Variants in NUTF2 observed in about 807,000 individuals in gnomAD.
NUTF2 encodes placental protein 15.
In NUTF2, 3 loss-of-function variants were observed where a neutral mutation model predicts 18.5. The ratio of observed to expected loss-of-function variants is 0.16; its 90% CI spans 0.07 to 0.42. NUTF2 has a LOEUF of 0.42. Ranked by LOEUF, NUTF2 falls within the 10% of genes least tolerant of loss-of-function variation. The pLI is 0.99. For missense variants in NUTF2, 44 were observed against 160.7 expected, an observed-to-expected ratio of 0.27 and a Z score of 3.93; for synonymous variants, 51 against 57.9, an observed-to-expected ratio of 0.88 and a Z score of 0.54.
At position 67,852,381 on chromosome 16, in the gene NUTF2, T is replaced by C. The variant is rs536211512; in HGVS notation, c.-30+5396T>C. The stretch of plus-strand genomic sequence containing the variant: ...TTTTTTTTTTTCACCCAGGCTGGAG[T>C]GAAGTGTCACTCTTGCCCAGGCTCA... On this transcript the variant is annotated intron_variant, in intron 1 of 4. Coordinates refer to ENST00000219169, the MANE Select transcript of NUTF2 (RefSeq NM_005796.3). 4.9e-5 allele frequency among the ~76,000 whole-genome samples: 7 copies of C among 143,130 alleles called. No homozygotes were observed. In the East Asian group the frequency reaches 1.4e-3, roughly 29 times the overall value. The allele number at this position is 143,130 out of a possible 152,430, so 93.9% of individuals were successfully genotyped here.
chr16:67,858,292 C>T (rs898181348), intron 1 of NUTF2, among the ~76,000 whole-genome samples: 14 of 152,142 alleles, frequency 9.2e-5, no homozygotes, highest in Non-Finnish European at 1.9e-4. Context: ...CTCAGCCTCC[C>T]GAGTAGCTGG....
chr16:67,862,822 G>A (rs1442143932), intron 1 of NUTF2, among the ~76,000 whole-genome samples: 3 of 152,148 alleles, frequency 2.0e-5, no homozygotes, highest in African/African-American at 4.8e-5. Flanking sequence ...GGGACAGAGC[G>A]AGACCCTTTT....
chr16:67,856,909 G>A (rs1013984212), intron 1 of NUTF2, among the ~76,000 whole-genome samples: 1 of 152,170 alleles, frequency 6.6e-6, no homozygotes, highest in Non-Finnish European at 1.5e-5. Context: ...TTGTTTCCTT[G>A]TCTATAAAGT....
chr16:67,848,757 GAAAA>G (rs751592476), intron 1 of NUTF2, among the ~76,000 whole-genome samples: 1 of 132,922 alleles, frequency 7.5e-6, no homozygotes, highest in African/African-American at 2.8e-5. Context: ...AAAAGAAAAA[GAAAA>G]AAAAAAAAAG....
intron 1 of NUTF2, chr16:67,847,522 C>A (rs1023454338): frequency 3.9e-5 from 6 of 152,380 alleles, no homozygotes; most frequent in African/African-American, 1.4e-4. Context: ...CATAGCCCGG[C>A]CGGGGTGTAG....
chr16:67,867,583 C>G (rs532505715), intron 2 of NUTF2, among the ~76,000 whole-genome samples: 3 of 152,256 alleles, frequency 2.0e-5, no homozygotes, highest in African/African-American at 4.8e-5. Flanking sequence ...CAGCCTCTAT[C>G]TCTCCCTGAC....
At chr16:67,862,945 C>A (rs1400676599) in intron 1 of NUTF2, among the ~76,000 whole-genome samples, 1 of 152,216 alleles carries the variant, frequency 6.6e-6, no homozygotes, top group Non-Finnish European at 1.5e-5. Flanking sequence ...CTTATCCATT[C>A]CTCCAGCTTT....
chr16:67,859,795 CTTTTTTTTTTTTT>C (rs34914554), intron 1 of NUTF2, among the ~76,000 whole-genome samples: 165 of 45,634 alleles, frequency 3.6e-3, no homozygotes, highest in Middle Eastern at 0.022. Flanking sequence ...TGCGCCAGGC[CTTTTTTTTTTTTT>C]TTTTTTTTTT....
chr16:67,867,210 G>A (rs182033405), intron 2 of NUTF2, among the ~76,000 whole-genome samples: 5 of 152,106 alleles, frequency 3.3e-5, no homozygotes, highest in African/African-American at 9.6e-5. Context: ...GACTTCAAGT[G>A]ATCTACCCAC....
rs1452531720 is a variant in NUTF2 at position 67,872,349 on chromosome 16, G to A, written c.*1436G>A. The stretch of plus-strand genomic sequence containing the variant: ...CTCCTCAGATCCCACAGATTGCCTG[G>A]TGACATTGGGCACAGGGCTGGATGG... On this transcript the variant is annotated 3_prime_UTR_variant, in exon 5 of 5. Coordinates refer to ENST00000219169, the MANE Select transcript of NUTF2 (RefSeq NM_005796.3). 1 of 152,270 alleles carries A rather than the reference G, an allele frequency of 6.6e-6. No homozygotes were observed. The highest frequency in any genetic ancestry group is 1.5e-5 in the Non-Finnish European group (1 of 68,074). The allele number at this position is 152,270 out of a possible 1,614,324, so 9.4% of individuals were successfully genotyped here. A position where few individuals can be genotyped will look rare whatever the true frequency, so the allele number is the denominator to read the frequency against.
At chr16:67,861,964 G>C (rs1248308363) in intron 1 of NUTF2, among the ~76,000 whole-genome samples, 1 of 152,064 alleles carries the variant, frequency 6.6e-6, no homozygotes, top group African/African-American at 2.4e-5. Flanking sequence ...GGGATCGCAG[G>C]AGGGGACTTT....
intron 1 of NUTF2, among the ~76,000 whole-genome samples, chr16:67,863,893 C>T (rs1162819211): frequency 1.3e-5 from 2 of 152,188 alleles, no homozygotes; most frequent in Non-Finnish European, 2.9e-5. Flanking sequence ...GTTTTCCATC[C>T]AGTATCCTTA....
At chr16:67,868,462 T>C in intron 3 of NUTF2, 39 bp from the exon 4 acceptor site, 1 of 1,613,742 alleles carries the variant, frequency 6.2e-7, no homozygotes. Flanking sequence ...CCACCCCTTC[T>C]GGCCTTGGTT....
intron 1 of NUTF2, among the ~76,000 whole-genome samples, chr16:67,850,213 T>G (rs945839357): frequency 3.3e-5 from 5 of 151,996 alleles, no homozygotes; most frequent in Non-Finnish European, 7.4e-5. Flanking sequence ...AACTTCTTTT[T>G]TTTTTTTTTG....
chr16:67,863,058 G>A (rs138713374), intron 1 of NUTF2, among the ~76,000 whole-genome samples: 3 of 152,290 alleles, frequency 2.0e-5, no homozygotes, highest in South Asian at 4.1e-4. Flanking sequence ...CCAGGTGGAC[G>A]GGGCAGAAAT....
chr16:67,847,511 C>T (rs966010697), intron 1 of NUTF2: 3 of 152,382 alleles, frequency 2.0e-5, no homozygotes, highest in Admixed American at 6.5e-5. Flanking sequence ...CTGTTCCCGA[C>T]CATAGCCCGG....
chr16:67,855,794 G>T (rs1021174662), intron 1 of NUTF2, among the ~76,000 whole-genome samples: 13 of 150,078 alleles, frequency 8.7e-5, no homozygotes, highest in East Asian at 2.0e-4. Context: ...TAGGTGCTCA[G>T]GTTCTTCCAT....
intron 1 of NUTF2, among the ~76,000 whole-genome samples, chr16:67,852,512 A>G (rs1027629954): frequency 3.3e-5 from 5 of 151,902 alleles, no homozygotes; most frequent in African/African-American, 1.2e-4. Context: ...GCCTGCCGGT[A>G]TAATCCGGCT....
At chr16:67,866,774 A>G (rs58557538) in intron 2 of NUTF2, among the ~76,000 whole-genome samples, 2,027 of 149,422 alleles carry the variant, frequency 0.014, 50 homozygotes, top group African/African-American at 0.047. Flanking sequence ...GCTACACCTA[A>G]TTTTTGTATT....
Sources: gnomAD v4.1 joint callset for allele counts (sites outside exome capture counted in the v4.1 genomes callset) on GRCh38, gnomAD v4.1.1 for gene constraint, MANE v1.5 for transcripts, NCBI Gene and HGNC (gene_info 2026-07-23, HGNC 2026-07-21) for gene names.